GABBR2: variants seen among roughly 807,000 people sequenced by gnomAD.
GABBR2 encodes gamma-aminobutyric acid type B receptor subunit 2, also known as G-protein coupled receptor 51.
GABBR2 carries 23 observed loss-of-function variants against 105.6 expected under a neutral mutation model. The observed-to-expected ratio is 0.22, with a 90% confidence interval of 0.16 to 0.31. The LOEUF (loss-of-function observed/expected upper bound fraction) is 0.31. Ranked by LOEUF, GABBR2 falls within the 10% of genes least tolerant of loss-of-function variation. The pLI is 1.00. For synonymous variants in GABBR2, 478 were observed against 499.7 expected, an observed-to-expected ratio of 0.96 and a Z score of 0.58; for missense variants, 734 against 1,245.5, an observed-to-expected ratio of 0.59 and a Z score of 6.18.
chr9:98,647,632 C>T (rs1323221090), intron 1 of GABBR2, among the ~76,000 whole-genome samples: 1 of 152,228 alleles, frequency 6.6e-6, no homozygotes, highest in Non-Finnish European at 1.5e-5. Flanking sequence ...ATACTGAGTG[C>T]TGGATGTACC....
intron 7 of GABBR2, among the ~76,000 whole-genome samples, chr9:98,409,658 C>A (rs1832550897): frequency 6.6e-6 from 1 of 152,150 alleles, no homozygotes; most frequent in African/African-American, 2.4e-5. Flanking sequence ...TATGCCCCCT[C>A]CCTGGGGGCA....
Position 98,708,873 on chromosome 9 carries a change from T to G in GABBR2, c.-136A>C. 2.4e-6 allele frequency: 1 copy of G among 410,342 alleles called. No individual in the cohort carries two copies. Among genetic ancestry groups the G allele is most frequent in the Non-Finnish European group, 3.2e-6 (1 of 310,520 alleles). The allele number at this position is 410,342 out of a possible 1,614,324, so 25.4% of individuals were successfully genotyped here. On this transcript the variant is annotated 5_prime_UTR_variant, in exon 1 of 19. Coordinates refer to ENST00000259455, the MANE Select transcript of GABBR2 (RefSeq NM_005458.8). The stretch of plus-strand genomic sequence containing the variant: ...GCCCCGGCTCCGTCTCGGGCTAGGG[T>G]TCCGGCTCGGCTCAGAACGGCCGCG...
chr9:98,458,127 C>T (rs1040268631), intron 6 of GABBR2, among the ~76,000 whole-genome samples: 1 of 152,190 alleles, frequency 6.6e-6, no homozygotes, highest in African/African-American at 2.4e-5. Context: ...TGCTAACCTA[C>T]AATGTGACTA....
At chr9:98,623,533 A>G (rs566155637) in intron 1 of GABBR2, among the ~76,000 whole-genome samples, 1 of 152,380 alleles carries the variant, frequency 6.6e-6, no homozygotes, top group Admixed American at 6.5e-5. Context: ...GCTAAAATCC[A>G]GTTGTCAGCA....
intron 7 of GABBR2, among the ~76,000 whole-genome samples, chr9:98,449,162 C>T (rs1288968655): frequency 6.6e-6 from 1 of 152,190 alleles, no homozygotes; most frequent in African/African-American, 2.4e-5. Flanking sequence ...GAGGGTTCCC[C>T]ACAGGGTGGC....
intron 7 of GABBR2, among the ~76,000 whole-genome samples, chr9:98,437,637 C>CCCAT (rs78819139): frequency 0.23 from 35,488 of 151,596 alleles, 4,979 homozygotes; most frequent in East Asian, 0.38. Context: ...CTGCCATCTT[C>CCCAT]CTGTTAATCC....
chr9:98,391,034 C>T (rs1163855283), intron 9 of GABBR2, among the ~76,000 whole-genome samples: 2 of 152,102 alleles, frequency 1.3e-5, no homozygotes, highest in Admixed American at 1.3e-4. Flanking sequence ...TCATCTGGTC[C>T]ATTCATTCAT....
At chr9:98,310,043 G>GA (rs1830611791) in intron 14 of GABBR2, among the ~76,000 whole-genome samples, 1 of 152,176 alleles carries the variant, frequency 6.6e-6, no homozygotes, top group Admixed American at 6.5e-5. Flanking sequence ...AAACGGGGGT[G>GA]AATGGTGACT....
At chr9:98,472,222 A>G (rs1038902346) in intron 6 of GABBR2, among the ~76,000 whole-genome samples, 5 of 152,202 alleles carry the variant, frequency 3.3e-5, no homozygotes, top group Admixed American at 6.5e-5. Flanking sequence ...TGCTGTTCAG[A>G]ATTGAGAAAT....
intron 8 of GABBR2, among the ~76,000 whole-genome samples, chr9:98,405,610 A>C (rs1376403961): frequency 1.3e-5 from 2 of 152,222 alleles, no homozygotes; most frequent in African/African-American, 2.4e-5. Context: ...TGAGGATTCC[A>C]AAATCCCCCA....
intron 13 of GABBR2, among the ~76,000 whole-genome samples, chr9:98,312,590 T>C (rs13286336): frequency 0.25 from 38,404 of 152,122 alleles, 5,141 homozygotes; most frequent in South Asian, 0.4. Flanking sequence ...CCCCCACAAA[T>C]GTTCACGCAG....
intron 1 of GABBR2, among the ~76,000 whole-genome samples, chr9:98,650,265 G>A (rs1304615759): frequency 1.3e-5 from 2 of 152,160 alleles, no homozygotes; most frequent in Admixed American, 6.5e-5. Flanking sequence ...TTGAATCCTG[G>A]CCCTGGCACT....
At chr9:98,291,327 ACTGT>A (rs1830299997) in intron 18 of GABBR2, among the ~76,000 whole-genome samples, 1 of 152,166 alleles carries the variant, frequency 6.6e-6, no homozygotes, top group Non-Finnish European at 1.5e-5. Context: ...TAAGTTGGGG[ACTGT>A]CTGTATTACT....
chr9:98,315,811 C>T (rs1159562549), intron 13 of GABBR2, among the ~76,000 whole-genome samples: 7 of 152,196 alleles, frequency 4.6e-5, no homozygotes, highest in African/African-American at 7.2e-5. Flanking sequence ...TCGGTGGGGC[C>T]GGAAACGGTG....
chr9:98,655,846 G>A (rs1356833692), intron 1 of GABBR2, among the ~76,000 whole-genome samples: 1 of 152,142 alleles, frequency 6.6e-6, no homozygotes, highest in Non-Finnish European at 1.5e-5. Context: ...GGGATGGGGG[G>A]CTACAGGAGG....
intron 9 of GABBR2, among the ~76,000 whole-genome samples, chr9:98,393,157 C>T (rs201077486): frequency 8.7e-6 from 1 of 115,378 alleles, no homozygotes; most frequent in Non-Finnish European, 1.7e-5. Flanking sequence ...CATCCACCAA[C>T]CCATCCATCC....
intron 1 of GABBR2, among the ~76,000 whole-genome samples, chr9:98,698,921 G>C (rs1001916267): frequency 1.3e-5 from 2 of 152,138 alleles, no homozygotes; most frequent in Non-Finnish European, 2.9e-5. Context: ...GAAGAATAAA[G>C]AGCAGAAGCT....
chr9:98,683,552 A>C (rs1199204189), intron 1 of GABBR2, among the ~76,000 whole-genome samples: 1 of 152,186 alleles, frequency 6.6e-6, no homozygotes, highest in East Asian at 1.9e-4. Flanking sequence ...CTACGTGTTA[A>C]AATACTTAAA....
chr9:98,505,423 GGTGTGTGTGTGTGT>G (rs59702034), intron 3 of GABBR2, among the ~76,000 whole-genome samples: 6 of 148,392 alleles, frequency 4.0e-5, no homozygotes, highest in African/African-American at 7.5e-5. Flanking sequence ...GCTGTATCCA[GGTGTGTGTGTGTGT>G]GTGTGTGTGT....
Sources: gnomAD v4.1 joint callset for allele counts (sites outside exome capture counted in the v4.1 genomes callset) on GRCh38, gnomAD v4.1.1 for gene constraint, MANE v1.5 for transcripts, NCBI Gene and HGNC (gene_info 2026-07-23, HGNC 2026-07-21) for gene names.